TMEM82: variants seen among roughly 807,000 people sequenced by gnomAD.
TMEM82 encodes transmembrane protein 82.
Under a neutral mutation model 29.2 loss-of-function variants are expected in TMEM82, and 30 were observed. The ratio of observed to expected loss-of-function variants is 1.03; its 90% CI spans 0.77 to 1.39. The LOEUF is 1.39. Ranked by LOEUF, TMEM82 falls within the 40% of genes most tolerant of loss-of-function variation. The pLI, the probability that TMEM82 is intolerant of heterozygous loss-of-function variation, is 0.00. For missense variants in TMEM82, 442 were observed against 447.7 expected (o/e 0.99, Z 0.12); for synonymous variants, 221 against 225.4 (o/e 0.98, Z 0.18).
In TMEM82 at chr1:15,742,585, C is replaced by T; in HGVS notation, c.26C>T (p.Ser9Phe). The T allele has an allele frequency of 6.3e-7, 1 of 1,599,954 alleles. No individual in the cohort carries two copies. The highest frequency in any genetic ancestry group is 8.5e-7 in the Non-Finnish European group (1 of 1,174,104). The part of the protein sequence containing the change: MFSLPSLP[S>F]WLPGLPSLEW... ...ATGTTCTCTCTTCCATCCCTCCCCT[C>T]CTGGCTCCCCGGCCTCCCCTCCCTC... The change falls in exon 1 of 6, where the codon TCC becomes TTC. Residue 9 changes from serine to phenylalanine, a missense_variant. Transcript: ENST00000375782.
Position 15,744,358 on chromosome 1 carries a change from G to A in TMEM82, c.535G>A (p.Glu179Lys), listed in dbSNP as rs763170762. Residue 179 changes from glutamate to lysine, a missense_variant, in exon 4 of 6, where the codon GAG becomes AAG. Coordinates refer to ENST00000375782, the MANE Select transcript of TMEM82 (RefSeq NM_001013641.3). The surrounding 1 kb of genome is among the most constrained non-coding windows in gnomAD (Gnocchi z 5.2). The part of the protein sequence containing the change: ...RLHRHVCRLY[E>K]LHSSQRYCGV... ...CCACCGCCACGTCTGCCGCCTCTAC[G>A]AGCTGCACAGCAGCCAGCGCTACTG... 206 of 1,551,094 alleles carry A rather than the reference G, an allele frequency of 1.3e-4. No individual in the cohort carries two copies. Among genetic ancestry groups the A allele is most frequent in the Middle Eastern group, 3.4e-4 (2 of 5,966 alleles).
intron 2 of TMEM82, 51 bp downstream of exon 2, chr1:15,742,958 C>A: frequency 2.5e-6 from 4 of 1,606,602 alleles, no homozygotes; most frequent in Non-Finnish European, 2.6e-6. Context: ...GCACGGGGAC[C>A]CCCACCAGGG....
intron 3 of TMEM82, among the ~76,000 whole-genome samples, chr1:15,743,870 C>G (rs1410346509): frequency 1.3e-5 from 2 of 152,024 alleles, no homozygotes; most frequent in East Asian, 3.9e-4. Flanking sequence ...GAGGCTGAGG[C>G]AGGAGAATTG....
intron 5 of TMEM82, 135 bp from the exon 6 acceptor site, chr1:15,747,411 C>T (rs2148396798): frequency 1.3e-6 from 1 of 757,090 alleles, no homozygotes; most frequent in African/African-American, 1.7e-5. Flanking sequence ...TCACTAGCAC[C>T]CCCCACCCTG....
At chr1:15,743,217 G>C in intron 3 of TMEM82, 23 bp downstream of exon 3, 6 of 1,596,146 alleles carry the variant, frequency 3.8e-6, no homozygotes, top group Non-Finnish European at 4.2e-6. Context: ...GGAAGGCAGT[G>C]GGTGGATCAC....
chr1:15,743,660 G>C (rs754166482), intron 3 of TMEM82, among the ~76,000 whole-genome samples: 13 of 152,142 alleles, frequency 8.5e-5, no homozygotes, highest in Non-Finnish European at 1.8e-4. Flanking sequence ...CAAGTACTAA[G>C]ACATGATTGA....
chr1:15,746,822 T>G (rs1412747175), intron 4 of TMEM82, 45 bp from the exon 5 acceptor site: 1 of 1,515,604 alleles, frequency 6.6e-7, no homozygotes. Context: ...GGAGGTCCAG[T>G]CCGGGGTGTG....
chr1:15,747,515 G>A (rs564991599), intron 5 of TMEM82, 31 bp from the exon 6 acceptor site: 2 of 1,594,146 alleles, frequency 1.3e-6, no homozygotes, highest in Non-Finnish European at 1.7e-6. Flanking sequence ...ATGGGTGAAT[G>A]GGTGGTGTCA....
At chr1:15,746,668 G>A (rs1426842961) in intron 4 of TMEM82, among the ~76,000 whole-genome samples, 199 bp from the exon 5 acceptor site, 1 of 152,144 alleles carries the variant, frequency 6.6e-6, no homozygotes, top group Admixed American at 6.5e-5. Flanking sequence ...TTGGAGGCCT[G>A]TGGGCTGGGC....
At position 15,744,196 on chromosome 1, in the gene TMEM82, C is replaced by T. The variant is rs756320473; in HGVS notation, c.373C>T (p.Leu125=). 2 of 1,587,968 alleles carry T rather than the reference C, an allele frequency of 1.3e-6. No individual in the cohort carries two copies. The highest frequency in any genetic ancestry group is 1.7e-6 in the Non-Finnish European group (2 of 1,171,828). ...TGCCGCCGAGAGGCTGCAGCTCTAC[C>T]TGCTGTGCCAGTACTCGCTGGGCTG... is the stretch of plus-strand genomic sequence containing the variant. ...QGAAERLQLY[L]LCQYSLGCGL... is the part of the protein sequence containing the mutation. The change falls in exon 4 of 6, where the codon CTG becomes TTG. Residue 125 remains leucine (L), a synonymous_variant. Transcript: ENST00000375782. The surrounding 1 kb of genome is among the most constrained non-coding windows in gnomAD (Gnocchi z 5.2).
At chr1:15,745,723 G>GTCT (rs1479003535) in intron 4 of TMEM82, among the ~76,000 whole-genome samples, 64 of 151,458 alleles carry the variant, frequency 4.2e-4, no homozygotes, top group African/African-American at 1.5e-3. Context: ...TGAAACCCCC[G>GTCT]TCTCTACTAG....
Position 15,742,580 on chromosome 1 carries a change from C to A in TMEM82, c.21C>A (p.Leu7=). 1 of 1,595,672 alleles carries A rather than the reference C, an allele frequency of 6.3e-7. No homozygotes were observed. The highest frequency in any genetic ancestry group is 8.5e-7 in the Non-Finnish European group (1 of 1,172,138). The part of the protein sequence containing the change: MFSLPS[L]PSWLPGLPSL... ...CTGCCATGTTCTCTCTTCCATCCCT[C>A]CCCTCCTGGCTCCCCGGCCTCCCCT... The change falls in exon 1 of 6, where the codon CTC becomes CTA. Residue 7 remains leucine (L), a synonymous_variant. Coordinates refer to ENST00000375782, the MANE Select transcript of TMEM82 (RefSeq NM_001013641.3).
Position 15,742,740 on chromosome 1 carries a change from C to T in TMEM82, c.88+93C>T, listed in dbSNP as rs113346617. 1,927 of 1,520,788 alleles carry T rather than the reference C, an allele frequency of 1.3e-3. 28 individuals are homozygous for T. In the African/African-American group the frequency reaches 0.022, roughly 17 times the overall value. The allele number at this position is 1,520,788 out of a possible 1,614,324, so 94.2% of individuals were successfully genotyped here. On this transcript the variant is annotated intron_variant, in intron 1 of 5. Coordinates refer to ENST00000375782, the MANE Select transcript of TMEM82 (RefSeq NM_001013641.3). ...CCCACCCACCTGGTCTCCCGACACC[C>T]CTGCCCCTTGGCCGCCCCCTCTGAC... is the stretch of plus-strand genomic sequence containing the variant.
chr1:15,742,990 C>T (rs2068303034), intron 2 of TMEM82, 30 bp from the exon 3 acceptor site: 3 of 1,601,252 alleles, frequency 1.9e-6, no homozygotes, highest in African/African-American at 2.7e-5. Flanking sequence ...CAGTTCTGCA[C>T]CCCTGCCCAC....
intron 4 of TMEM82, among the ~76,000 whole-genome samples, chr1:15,745,880 C>T (rs1317172104): frequency 7.0e-6 from 1 of 143,498 alleles, no homozygotes; most frequent in Non-Finnish European, 1.5e-5. Context: ...AGGGGCGAAA[C>T]TCCATCTCAA....
Position 15,742,916 on chromosome 1 carries a change from C to T in TMEM82, c.161+9C>T. The T allele has an allele frequency of 6.2e-7, 1 of 1,612,696 alleles. No individual in the cohort carries two copies. ...TTCGTGGGCTGTGCCAAGTGAGTGC[C>T]CACCTCATCCCCCCAGGGAATGTGG... On this transcript the variant is annotated intron_variant, in intron 2 of 5. Coordinates refer to ENST00000375782, the MANE Select transcript of TMEM82 (RefSeq NM_001013641.3).
intron 4 of TMEM82, among the ~76,000 whole-genome samples, chr1:15,746,338 A>C (rs2148396177): frequency 6.6e-6 from 1 of 150,388 alleles, no homozygotes; most frequent in South Asian, 2.1e-4. Flanking sequence ...ACAAAAAATT[A>C]GCCAGGTGTG....
chr1:15,745,544 A>AGAGC (rs2068328028), intron 4 of TMEM82, among the ~76,000 whole-genome samples: 1 of 86,126 alleles, frequency 1.2e-5, no homozygotes, highest in Non-Finnish European at 2.3e-5. Context: ...AGAGAGAGAG[A>AGAGC]AAGAGAGAAA....
chr1:15,743,919 C>A (rs1029070454), intron 3 of TMEM82, among the ~76,000 whole-genome samples: 1 of 151,784 alleles, frequency 6.6e-6, no homozygotes, highest in South Asian at 2.1e-4. Context: ...GAGCGGAGAT[C>A]GAGCCACTGT....
Sources: gnomAD v4.1 joint callset for allele counts (sites outside exome capture counted in the v4.1 genomes callset) on GRCh38, gnomAD v4.1.1 for gene constraint, Gnocchi (gnomAD v3.1) non-coding constraint, MANE v1.5 for transcripts, NCBI Gene and HGNC (gene_info 2026-07-23, HGNC 2026-07-21) for gene names.